The following UBE4B variants were observed in gnomAD, a reference collection of about 807,000 sequenced individuals.
The protein encoded by UBE4B is ubiquitin conjugation factor E4 B.
UBE4B carries 27 observed loss-of-function variants against 148.1 expected under a neutral mutation model. The observed-to-expected ratio is 0.18, with a 90% confidence interval of 0.13 to 0.25. UBE4B has a LOEUF of 0.25. Among genes scored for constraint, UBE4B ranks in the 10% least tolerant of loss-of-function variants. UBE4B has a pLI of 1.00. For missense variants in UBE4B, 1,170 were observed against 1,662.4 expected, an observed-to-expected ratio of 0.70 and a Z score of 5.15; for synonymous variants, 596 against 619.3, an observed-to-expected ratio of 0.96 and a Z score of 0.56.
At chr1:10,037,009 T>G (rs1286463268) in intron 1 of UBE4B, among the ~76,000 whole-genome samples, 1 of 152,132 alleles carries the variant, frequency 6.6e-6, no homozygotes. Flanking sequence ...CTGTCATAGA[T>G]CACCTAGAAT....
chr1:10,157,055 G>T (rs185291882), intron 21 of UBE4B, among the ~76,000 whole-genome samples: 1 of 152,052 alleles, frequency 6.6e-6, no homozygotes, highest in African/African-American at 2.4e-5. Context: ...TTGCTTTGTC[G>T]CCCAGGCTGG....
chr1:10,127,674 T>A (rs918721490), intron 11 of UBE4B, among the ~76,000 whole-genome samples: 2 of 152,254 alleles, frequency 1.3e-5, no homozygotes, highest in Non-Finnish European at 2.9e-5. Context: ...TGTATTTATT[T>A]CTTTTACTTA....
chr1:10,054,703 G>T, intron 1 of UBE4B: 1 of 259,106 alleles, frequency 3.9e-6, no homozygotes, highest in Non-Finnish European at 7.6e-6. Context: ...GACTCTTCCA[G>T]TCTAGCCATG....
At chr1:10,141,340 G>A (rs956541786) in intron 17 of UBE4B, among the ~76,000 whole-genome samples, 1 of 152,140 alleles carries the variant, frequency 6.6e-6, no homozygotes, top group African/African-American at 2.4e-5. Flanking sequence ...AATCAGGAGG[G>A]TCACAGGGAG....
chr1:10,062,993 G>T (rs986794379), intron 1 of UBE4B, among the ~76,000 whole-genome samples: 1 of 151,222 alleles, frequency 6.6e-6, no homozygotes, highest in African/African-American at 2.4e-5. Flanking sequence ...TAGTGATGGC[G>T]AATAAAACAG....
At chr1:10,159,664 G>A (rs1254500681) in intron 22 of UBE4B, among the ~76,000 whole-genome samples, 2 of 152,114 alleles carry the variant, frequency 1.3e-5, no homozygotes, top group South Asian at 2.1e-4. Flanking sequence ...CAGCCTGGGC[G>A]ACAGAGTGAG....
intron 1 of UBE4B, among the ~76,000 whole-genome samples, chr1:10,051,466 TA>T (rs1357332646): frequency 6.6e-6 from 1 of 152,194 alleles, no homozygotes; most frequent in Non-Finnish European, 1.5e-5. Flanking sequence ...ACAGCATAAA[TA>T]GTGGTATCTT....
intron 2 of UBE4B, chr1:10,072,706 TATTTCTTTATA>T (rs368177988): frequency 2.0e-6 from 1 of 490,480 alleles, no homozygotes; most frequent in African/African-American, 2.0e-5. Flanking sequence ...AGTAAAAGTT[TATTTCTTTATA>T]ATAAATGAGC....
At chr1:10,177,118 G>C (rs1193767446) in intron 25 of UBE4B, among the ~76,000 whole-genome samples, 4 of 151,910 alleles carry the variant, frequency 2.6e-5, no homozygotes, top group Admixed American at 2.6e-4. Context: ...TGGATGCTAG[G>C]TCATATCAGA....
chr1:10,133,369 G>A (rs1465203495), intron 15 of UBE4B, among the ~76,000 whole-genome samples: 2 of 152,194 alleles, frequency 1.3e-5, no homozygotes, highest in African/African-American at 4.8e-5. Context: ...CTGCTAAGCT[G>A]CGGTACTACT....
chr1:10,114,443 G>T (rs1645273481), intron 7 of UBE4B, among the ~76,000 whole-genome samples: 1 of 152,098 alleles, frequency 6.6e-6, no homozygotes, highest in Non-Finnish European at 1.5e-5. Flanking sequence ...GGCTTTTTCT[G>T]TTTGTTCTAG....
At chr1:10,151,663 G>A (rs1343167661) in intron 21 of UBE4B, 102 bp downstream of exon 21, 1 of 996,750 alleles carries the variant, frequency 1.0e-6, no homozygotes, top group Non-Finnish European at 1.5e-6. Flanking sequence ...CTAATATCCT[G>A]CTACCTGTGT....
chr1:10,094,918 G>A (rs1045193483), intron 2 of UBE4B, among the ~76,000 whole-genome samples: 6 of 152,110 alleles, frequency 3.9e-5, no homozygotes, highest in African/African-American at 1.4e-4. Context: ...AGCTTCCTGA[G>A]TAGCTGGGAT....
intron 2 of UBE4B, among the ~76,000 whole-genome samples, chr1:10,085,956 A>C (rs1644758516): frequency 6.6e-6 from 1 of 151,336 alleles, no homozygotes; most frequent in Admixed American, 6.6e-5. Context: ...CGCCCAGCTA[A>C]TTTTTTTTAT....
chr1:10,166,906 C>T (rs2102021727), intron 23 of UBE4B, among the ~76,000 whole-genome samples: 1 of 150,708 alleles, frequency 6.6e-6, no homozygotes, highest in East Asian at 2.0e-4. Flanking sequence ...GCCTGGGCAA[C>T]AGAGTGAGAC....
intron 25 of UBE4B, among the ~76,000 whole-genome samples, chr1:10,174,416 T>C (rs1646385350): frequency 6.7e-6 from 1 of 149,246 alleles, no homozygotes; most frequent in Non-Finnish European, 1.5e-5. Flanking sequence ...AGAAGAAGTA[T>C]TGGGCTGGGT....
intron 1 of UBE4B, among the ~76,000 whole-genome samples, chr1:10,053,258 C>G (rs1644088977): frequency 6.7e-6 from 1 of 150,064 alleles, no homozygotes; most frequent in African/African-American, 2.5e-5. Context: ...ACGCCATTCT[C>G]CTGCCTCAGC....
intron 22 of UBE4B, among the ~76,000 whole-genome samples, chr1:10,160,183 G>A (rs1236805335): frequency 1.3e-5 from 2 of 152,176 alleles, no homozygotes; most frequent in African/African-American, 4.8e-5. Context: ...AACACGATCT[G>A]CAGAACAGTT....
At chr1:10,179,668 A>G in intron 27 of UBE4B, 106 bp downstream of exon 27, 1 of 1,543,692 alleles carries the variant, frequency 6.5e-7, no homozygotes, top group African/African-American at 1.4e-5. Context: ...TCAAATGCAG[A>G]AACTACCTAC....
Sources: gnomAD v4.1 joint callset for allele counts (sites outside exome capture counted in the v4.1 genomes callset) on GRCh38, gnomAD v4.1.1 for gene constraint, MANE v1.5 for transcripts, NCBI Gene and HGNC (gene_info 2026-07-23, HGNC 2026-07-21) for gene names.